The following LRP1B variants were observed in gnomAD, a reference collection of about 807,000 sequenced individuals.
LRP1B encodes the protein low-density lipoprotein receptor-related protein 1B.
A neutral mutation model predicts 556.6 loss-of-function variants in LRP1B; 217 were observed. The observed-to-expected ratio is 0.39, with a 90% CI of 0.35 to 0.44. The LOEUF is 0.44. LRP1B is among the 20% of genes least tolerant of loss of function. The pLI is 1.00. For synonymous variants in LRP1B, 2,047 were observed against 1,865.8 expected, an observed-to-expected ratio of 1.10 and a Z score of -2.50; for missense variants, 5,053 against 5,620.8, an observed-to-expected ratio of 0.90 and a Z score of 3.23.
intron 2 of LRP1B, among the ~76,000 whole-genome samples, chr2:141,732,385 T>A (rs1382261029): frequency 1.3e-5 from 2 of 152,058 alleles, no homozygotes; most frequent in Non-Finnish European, 2.9e-5. Flanking sequence ...GGGAGAGACA[T>A]GCTTCTAGTT....
At chr2:141,778,780 T>C (rs1025474900) in intron 2 of LRP1B, among the ~76,000 whole-genome samples, 4 of 152,238 alleles carry the variant, frequency 2.6e-5, no homozygotes, top group Non-Finnish European at 5.9e-5. Flanking sequence ...GACACTTTTT[T>C]TTCTTTCCTT....
At chr2:140,799,409 T>C (rs1690426965) in intron 32 of LRP1B, among the ~76,000 whole-genome samples, 1 of 152,150 alleles carries the variant, frequency 6.6e-6, no homozygotes, top group Admixed American at 6.5e-5. Flanking sequence ...AGGAACCAAA[T>C]TCACCTGCAC....
intron 1 of LRP1B, among the ~76,000 whole-genome samples, chr2:141,932,375 A>G (rs1377120053): frequency 6.6e-6 from 1 of 152,110 alleles, no homozygotes; most frequent in Non-Finnish European, 1.5e-5. Context: ...GTAAAGCACT[A>G]TATAATACAA....
chr2:141,809,528 T>C (rs1285217750), intron 2 of LRP1B, among the ~76,000 whole-genome samples: 2 of 152,008 alleles, frequency 1.3e-5, no homozygotes, highest in Non-Finnish European at 2.9e-5. Flanking sequence ...ATACCCCTTA[T>C]GGTAAGTGGG....
intron 1 of LRP1B, among the ~76,000 whole-genome samples, chr2:141,910,231 C>T (rs535262264): frequency 6.0e-4 from 91 of 151,396 alleles, no homozygotes; most frequent in Middle Eastern, 3.5e-3. Context: ...GCTTGGGTTG[C>T]CTTGTAAATT....
chr2:140,330,668 G>A (rs894110742), intron 79 of LRP1B, among the ~76,000 whole-genome samples: 9 of 150,754 alleles, frequency 6.0e-5, no homozygotes, highest in Admixed American at 3.3e-4. Context: ...CAAAGGCAAC[G>A]ATTTCATGAT....
At chr2:140,381,183 C>A (rs1227365487) in intron 67 of LRP1B, among the ~76,000 whole-genome samples, 1 of 151,844 alleles carries the variant, frequency 6.6e-6, no homozygotes, top group East Asian at 1.9e-4. Flanking sequence ...ACGGAAAGCC[C>A]TAAGGAATTT....
At chr2:141,957,578 AC>A (rs1238810616) in intron 1 of LRP1B, among the ~76,000 whole-genome samples, 2 of 151,940 alleles carry the variant, frequency 1.3e-5, no homozygotes, top group East Asian at 3.9e-4. Context: ...CACTTGACAG[AC>A]ACATTTTGTG....
chr2:140,284,980 AGATG>A (rs1022134691), intron 84 of LRP1B, among the ~76,000 whole-genome samples: 6 of 149,638 alleles, frequency 4.0e-5, no homozygotes, highest in Non-Finnish European at 6.0e-5. Context: ...ATATGTACCT[AGATG>A]TTCATATCCA....
chr2:140,944,821 C>A, intron 20 of LRP1B, among the ~76,000 whole-genome samples: 1 of 152,026 alleles, frequency 6.6e-6, no homozygotes, highest in Admixed American at 6.6e-5. Context: ...ACAGGCAAAA[C>A]CTGCAAGCAT....
chr2:140,325,723 A>G (rs111788873), intron 80 of LRP1B, 39 bp downstream of exon 80: 1 of 1,326,262 alleles, frequency 7.5e-7, no homozygotes, highest in African/African-American at 1.5e-5. Flanking sequence ...TAACACTCTC[A>G]GTAACAATTA....
Position 141,475,913 on chromosome 2 carries a change from C to T in LRP1B, c.343+4483G>A, listed in dbSNP as rs544077473. ...TCCTTCATTTACCATCCTTCAATTT[C>T]CCTGTGTGACCTGATTCTTCCTGGA... On this transcript the variant is annotated intron_variant, in intron 3 of 90. Coordinates refer to ENST00000389484, the MANE Select transcript of LRP1B (RefSeq NM_018557.3). Among the ~76,000 whole-genome samples, 17 of 152,308 alleles carry T rather than the reference C, an allele frequency of 1.1e-4. No homozygotes were observed. The South Asian group carries it at 3.5e-3, about 32-fold the overall frequency.
At chr2:140,312,449 A>G (rs991860073) in intron 83 of LRP1B, among the ~76,000 whole-genome samples, 6 of 152,000 alleles carry the variant, frequency 3.9e-5, no homozygotes, top group Middle Eastern at 3.2e-3. Flanking sequence ...AATACCAAAC[A>G]TCATGAATAT....
Position 141,247,371 on chromosome 2 carries a change from G to C in LRP1B, c.464-17C>G, listed in dbSNP as rs1471599813. 1.2e-6 allele frequency: 2 copies of C among 1,612,240 alleles called. No homozygotes were observed. The highest frequency in any genetic ancestry group is 1.7e-6 in the Non-Finnish European group (2 of 1,179,056). ...CATCTTGATCTAAAAAGGAAAATTG[G>C]CATCATTTCTAAGCAGCTTTATCTT... On this transcript the variant is annotated splice_polypyrimidine_tract_variant and intron_variant, in intron 4 of 90. Coordinates refer to ENST00000389484, the MANE Select transcript of LRP1B (RefSeq NM_018557.3).
chr2:141,270,744 T>C (rs1001261429), intron 3 of LRP1B, among the ~76,000 whole-genome samples: 2 of 151,932 alleles, frequency 1.3e-5, no homozygotes, highest in African/African-American at 4.8e-5. Context: ...GTAAAATTCA[T>C]AGAGACAAAG....
intron 59 of LRP1B, among the ~76,000 whole-genome samples, chr2:140,477,482 A>G (rs1455797999): frequency 6.6e-6 from 1 of 152,166 alleles, no homozygotes; most frequent in Non-Finnish European, 1.5e-5. Context: ...GCTACTCTAC[A>G]TGTAATTGTA....
At chr2:141,205,661 G>T (rs1310841792) in intron 6 of LRP1B, among the ~76,000 whole-genome samples, 2 of 140,186 alleles carry the variant, frequency 1.4e-5, no homozygotes. Context: ...TTACTCAATT[G>T]TATATTCTTC....
At chr2:140,898,093 G>A (rs1049442776) in intron 23 of LRP1B, among the ~76,000 whole-genome samples, 2 of 152,170 alleles carry the variant, frequency 1.3e-5, no homozygotes, top group African/African-American at 2.4e-5. Flanking sequence ...GGGAAGCAAT[G>A]CTGCCCAGAG....
At chr2:142,077,892 CCCTTTA>C (rs1242856417) in intron 1 of LRP1B, among the ~76,000 whole-genome samples, 1 of 151,960 alleles carries the variant, frequency 6.6e-6, no homozygotes, top group Non-Finnish European at 1.5e-5. Flanking sequence ...TGCCCAAAGC[CCCTTTA>C]CAGAACCGTA....
Sources: allele counts gnomAD v4.1 joint callset (sites outside exome capture counted in the v4.1 genomes callset), GRCh38; gene constraint gnomAD v4.1.1; transcripts MANE v1.5; gene names NCBI Gene and HGNC (gene_info 2026-07-23, HGNC 2026-07-21).